HK1: variants seen among roughly 807,000 people sequenced by gnomAD.
HK1 encodes hexokinase-1.
HK1 carries 28 observed loss-of-function variants against 91.6 expected under a neutral mutation model. The ratio of observed to expected loss-of-function variants is 0.31; its 90% CI spans 0.23 to 0.42. HK1 has a LOEUF of 0.42. Ranked by LOEUF, HK1 falls within the 10% of genes least tolerant of loss-of-function variation. The pLI, the probability that HK1 is intolerant of heterozygous loss-of-function variation, is 1.00. For missense variants in HK1, 770 were observed against 1,219.8 expected, an observed-to-expected ratio of 0.63 and a Z score of 5.49; for synonymous variants, 430 against 468.1, an observed-to-expected ratio of 0.92 and a Z score of 1.05.
At chr10:69,320,749 C>T (rs1005482597) in intron 1 of HK1, among the ~76,000 whole-genome samples, 1 of 152,206 alleles carries the variant, frequency 6.6e-6, no homozygotes, top group South Asian at 2.1e-4. Flanking sequence ...CCACCCACAA[C>T]AGACTGCTGG....
Position 69,365,733 on chromosome 10 carries a change from TA to T in HK1, c.495+832del, listed in dbSNP as rs1849666843. On this transcript the variant is annotated intron_variant, in intron 4 of 17. Coordinates refer to ENST00000359426, the MANE Select transcript of HK1 (RefSeq NM_000188.3). ...AGCTGTGTGCGTTAACATGTGCCTGTAGTCCCAGTGATGTGGGAGAAGCTTG... is the reference window on the plus strand; with the variant it reads ...AGCTGTGTGCGTTAACATGTGCCTGTGTCCCAGTGATGTGGGAGAAGCTTG... Among the ~76,000 whole-genome samples, 6 of 152,330 alleles carry T rather than the reference TA, an allele frequency of 3.9e-5. 1 individual carries two copies. Among genetic ancestry groups the T allele is most frequent in the African/African-American group, 1.4e-4 (6 of 41,582 alleles).
intron 15 of HK1, among the ~76,000 whole-genome samples, chr10:69,393,310 C>CTTTTTT (rs57870614): frequency 3.5e-5 from 5 of 143,726 alleles, no homozygotes; most frequent in East Asian, 2.1e-4. Flanking sequence ...CTTTTCTTTT[C>CTTTTTT]TTTTTTTTTT....
At chr10:69,289,475 T>A (rs1388917454) in intron 3 of HK1, among the ~76,000 whole-genome samples, 19 of 28,320 alleles carry the variant, frequency 6.7e-4, no homozygotes, top group East Asian at 2.5e-3. Context: ...TTTTTTTTTT[T>A]TTTTTTTTTT....
Position 69,343,488 on chromosome 10 carries a change from C to G in HK1, c.64-339C>G, listed in dbSNP as rs940073904. ...CAGTGAGAGTGAGCCAGCCAATTCTCAGAGAGAGAAGGAGGCTTGAGGTGT... is the reference window on the plus strand; with the variant it reads ...CAGTGAGAGTGAGCCAGCCAATTCTGAGAGAGAGAAGGAGGCTTGAGGTGT... On this transcript the variant is annotated intron_variant, in intron 1 of 17. Transcript: ENST00000359426. Among the ~76,000 whole-genome samples, 4 of 152,184 alleles carry G rather than the reference C, an allele frequency of 2.6e-5. No homozygotes were observed. In the East Asian group the frequency reaches 5.8e-4, roughly 22 times the overall value.
At chr10:69,331,175 G>A (rs905978095) in intron 1 of HK1, among the ~76,000 whole-genome samples, 17 of 152,088 alleles carry the variant, frequency 1.1e-4, no homozygotes, top group African/African-American at 2.9e-4. Context: ...CCGCCACGCC[G>A]GGCCAGAGTT....
At chr10:69,400,096 T>G (rs1259524242) in intron 17 of HK1, among the ~76,000 whole-genome samples, 1 of 152,218 alleles carries the variant, frequency 6.6e-6, no homozygotes, top group East Asian at 1.9e-4. Flanking sequence ...TGTGTGCAAT[T>G]GCTTAATCCC....
intron 15 of HK1, 122 bp from the exon 16 acceptor site, chr10:69,394,828 C>A: frequency 1.1e-6 from 1 of 951,158 alleles, no homozygotes; most frequent in Non-Finnish European, 1.7e-6. Context: ...CAGGGCTGGG[C>A]ACATGGCTGT....
At chr10:69,373,692 G>A (rs181648501) in intron 7 of HK1, among the ~76,000 whole-genome samples, 35 of 151,906 alleles carry the variant, frequency 2.3e-4, no homozygotes, top group African/African-American at 8.5e-4. Flanking sequence ...CCAGGCTTAG[G>A]TGATCCTCCT....
intron 1 of HK1, among the ~76,000 whole-genome samples, chr10:69,331,543 T>C (rs1162621020): frequency 6.6e-6 from 1 of 152,222 alleles, no homozygotes; most frequent in East Asian, 1.9e-4. Flanking sequence ...TTCAAAAATT[T>C]CATGTGACAC....
intron 1 of HK1, among the ~76,000 whole-genome samples, chr10:69,325,048 T>TC (rs60490480): frequency 0.032 from 4,373 of 136,298 alleles, 110 homozygotes; most frequent in African/African-American, 0.079. Context: ...ATGTGTATTT[T>TC]TTTTTTTTTT....
chr10:69,384,255 G>T, intron 10 of HK1, 78 bp from the exon 11 acceptor site: 1 of 1,558,122 alleles, frequency 6.4e-7, no homozygotes, highest in East Asian at 2.2e-5. Flanking sequence ...CCCCTTGAAA[G>T]TCTGGAGTCT....
rs112049996 is a variant in HK1, at chr10:69,378,890, A to G, written c.1032-972A>G. ...GGTCTTTATGAATATATTTATATGG[A>G]CAGAATTAAGATAAACAAAATTGAT... On this transcript the variant is annotated intron_variant, in intron 8 of 17. Transcript: ENST00000359426. 8.5e-5 allele frequency among the ~76,000 whole-genome samples: 13 copies of G among 152,284 alleles called. 1 individual carries two copies. Among genetic ancestry groups the G allele is most frequent in the African/African-American group, 3.1e-4 (13 of 41,554 alleles).
At chr10:69,386,506 A>T in intron 13 of HK1, 88 bp downstream of exon 13, 1 of 1,087,122 alleles carries the variant, frequency 9.2e-7, no homozygotes, top group Non-Finnish European at 1.4e-6. Context: ...AATTCAGGCC[A>T]GGCGTGGTGG....
chr10:69,341,784 G>C (rs1381531654), intron 1 of HK1, among the ~76,000 whole-genome samples: 1 of 152,052 alleles, frequency 6.6e-6, no homozygotes, highest in East Asian at 1.9e-4. Context: ...TCTGGCTCTT[G>C]GTGGTTCCTG....
chr10:69,341,677 A>G (rs942899491), intron 1 of HK1, among the ~76,000 whole-genome samples: 2 of 151,718 alleles, frequency 1.3e-5, no homozygotes, highest in African/African-American at 4.8e-5. Context: ...GCTAATCTCG[A>G]ACTCCTGGGC....
intron 3 of HK1, among the ~76,000 whole-genome samples, chr10:69,360,248 C>T (rs896617450): frequency 8.5e-5 from 13 of 152,214 alleles, no homozygotes; most frequent in South Asian, 2.1e-4. Flanking sequence ...AGAGGCTCTC[C>T]GTCTGGGCAA....
At chr10:69,356,117 A>T (rs1849112084) in intron 2 of HK1, among the ~76,000 whole-genome samples, 1 of 152,228 alleles carries the variant, frequency 6.6e-6, no homozygotes, top group African/African-American at 2.4e-5. Flanking sequence ...CAATAAAAGA[A>T]AAAACGTAAA....
intron 4 of HK1, chr10:69,295,788 GC>G (rs375626791): frequency 1.3e-6 from 1 of 773,348 alleles, no homozygotes; most frequent in African/African-American, 1.7e-5. Flanking sequence ...AAGCAGCTGT[GC>G]AGTGGCTTCT....
At chr10:69,338,684 T>A (rs772513012) in intron 1 of HK1, 138 of 169,464 alleles carry the variant, frequency 8.1e-4, no homozygotes, top group Non-Finnish European at 1.1e-3. Context: ...GATGTGAGTG[T>A]GTGTGTGTGT....
Sources: allele counts gnomAD v4.1 joint callset (sites outside exome capture counted in the v4.1 genomes callset), GRCh38; gene constraint gnomAD v4.1.1; transcripts MANE v1.5; gene names NCBI Gene and HGNC (gene_info 2026-07-23, HGNC 2026-07-21).